KLRF1: variants seen among roughly 807,000 people sequenced by gnomAD.
KLRF1 encodes killer cell lectin-like receptor subfamily F member 1.
Under a neutral mutation model 30.7 loss-of-function variants are expected in KLRF1, and 27 were observed. That is an observed-to-expected ratio of 0.88 (90% confidence interval 0.65 to 1.21). The LOEUF (loss-of-function observed/expected upper bound fraction) is 1.21. KLRF1 is among the 50% of genes most tolerant of loss of function. The pLI is 0.00. For missense variants in KLRF1, 246 were observed against 259.3 expected (o/e 0.95, Z 0.35); for synonymous variants, 92 against 89.3 (o/e 1.03, Z -0.17).
At chr12:9,812,959 A>T in the KLRF1 span, among the ~76,000 whole-genome samples, 1 of 152,174 alleles carries the variant, frequency 6.6e-6, no homozygotes, top group Non-Finnish European at 1.5e-5. Context: ...CTTGGAGGAT[A>T]TGAGAGCATT....
intron 3 of KLRF1, among the ~76,000 whole-genome samples, chr12:9,835,400 AG>A (rs1268044620): frequency 1.3e-5 from 2 of 151,938 alleles, no homozygotes; most frequent in African/African-American, 4.8e-5. Context: ...AACTGCGTAG[AG>A]GGGGAGGTTC....
chr12:9,815,918 A>T, the KLRF1 span, among the ~76,000 whole-genome samples: 1 of 152,150 alleles, frequency 6.6e-6, no homozygotes, highest in East Asian at 1.9e-4. Flanking sequence ...TCCTGGATTC[A>T]AGTGATTCTC....
chr12:9,827,813 C>T (rs185886424), intron 1 of KLRF1, among the ~76,000 whole-genome samples, 184 bp downstream of exon 1: 23 of 152,248 alleles, frequency 1.5e-4, no homozygotes, highest in Admixed American at 8.5e-4. Context: ...ACCTCTCTTA[C>T]CATTTAAGAA....
chr12:9,828,149 G>A (rs1385028014), intron 1 of KLRF1, among the ~76,000 whole-genome samples: 1 of 151,336 alleles, frequency 6.6e-6, no homozygotes, highest in Non-Finnish European at 1.5e-5. Context: ...GCATGATCTC[G>A]GCTCACTGCA....
In KLRF1 at chr12:9,844,522, A is replaced by G. The variant is rs1217811740; in HGVS notation, c.692A>G (p.Tyr231Cys). ...AGTGTTTTCAAATGGATTTGTCAGT[A>G]TTAGAGTTTGACAAAATTCACAGTG... ...CSSVFKWICQY is the reference protein window; with the variant it reads ...CSSVFKWICQC Residue 231 changes from tyrosine to cysteine, a missense_variant, in exon 6 of 6, where the codon TAT (tyrosine) becomes TGT (cysteine). Tyr to Cys is a radical substitution (Grantham distance 194). Coordinates refer to ENST00000617889, the MANE Select transcript of KLRF1 (RefSeq NM_016523.3). The G allele has an allele frequency of 1.3e-6, 2 of 1,569,406 alleles. No homozygotes were observed. Among genetic ancestry groups the G allele is most frequent in the Non-Finnish European group, 8.7e-7 (1 of 1,142,922 alleles).
intron 3 of KLRF1, among the ~76,000 whole-genome samples, chr12:9,841,345 A>G (rs1324593870): frequency 6.6e-6 from 1 of 152,074 alleles, no homozygotes; most frequent in East Asian, 1.9e-4. Flanking sequence ...GAGGATCAGA[A>G]CAAATAACTA....
chr12:9,830,786 A>G (rs1048511195), intron 1 of KLRF1, among the ~76,000 whole-genome samples: 7 of 152,130 alleles, frequency 4.6e-5, no homozygotes, highest in Non-Finnish European at 1.0e-4. Context: ...TTGTACAGAC[A>G]TTCATAAGAC....
chr12:9,805,499 A>T, the KLRF1 span, among the ~76,000 whole-genome samples: 3 of 152,046 alleles, frequency 2.0e-5, no homozygotes, highest in African/African-American at 7.3e-5. Context: ...TGCGTTGATG[A>T]TTATATTTCA....
At chr12:9,805,645 T>G in the KLRF1 span, among the ~76,000 whole-genome samples, 3 of 152,070 alleles carry the variant, frequency 2.0e-5, no homozygotes, top group Non-Finnish European at 2.9e-5. Flanking sequence ...ATAAGTAATC[T>G]GGATCTGGAC....
chr12:9,839,242 C>A (rs74062777), intron 3 of KLRF1, among the ~76,000 whole-genome samples: 2 of 152,122 alleles, frequency 1.3e-5, no homozygotes, highest in Non-Finnish European at 2.9e-5. Context: ...CATGGCAGAT[C>A]GCAGAATGAC....
chr12:9,800,970 C>G, the KLRF1 span, among the ~76,000 whole-genome samples: 136 of 151,948 alleles, frequency 9.0e-4, no homozygotes, highest in African/African-American at 3.2e-3. Flanking sequence ...CATGCATTAG[C>G]TATTTGTCCT....
the KLRF1 span, among the ~76,000 whole-genome samples, chr12:9,809,556 G>A: frequency 0.079 from 12,086 of 152,128 alleles, 582 homozygotes; most frequent in East Asian, 0.2. Flanking sequence ...GTTTGTTAAC[G>A]TAAATTGTTC....
intron 3 of KLRF1, among the ~76,000 whole-genome samples, chr12:9,835,454 A>G (rs775583292): frequency 2.8e-4 from 43 of 152,078 alleles, no homozygotes; most frequent in African/African-American, 1.0e-3. Context: ...TCTATGAGCT[A>G]CCTTTCACTG....
the KLRF1 span, among the ~76,000 whole-genome samples, chr12:9,815,437 A>T: frequency 2.0e-5 from 3 of 152,258 alleles, 1 homozygote; most frequent in African/African-American, 7.2e-5. Flanking sequence ...GGATGATTCT[A>T]TCTGAGCCGC....
chr12:9,830,190 T>C (rs1867380722), intron 1 of KLRF1, among the ~76,000 whole-genome samples: 1 of 152,162 alleles, frequency 6.6e-6, no homozygotes, highest in Non-Finnish European at 1.5e-5. Context: ...TATCCGTGAG[T>C]AATGAATTTC....
chr12:9,807,940 C>A, the KLRF1 span, among the ~76,000 whole-genome samples: 512 of 152,060 alleles, frequency 3.4e-3, 3 homozygotes, highest in African/African-American at 0.012. Flanking sequence ...ATAAAAACAA[C>A]CATCAAGCAA....
At chr12:9,834,400 C>T (rs929351843) in intron 3 of KLRF1, among the ~76,000 whole-genome samples, 20 of 150,708 alleles carry the variant, frequency 1.3e-4, no homozygotes, top group African/African-American at 4.9e-4. Context: ...GTTGGGGCAG[C>T]GAAAAAAAAA....
At chr12:9,816,599 C>T in the KLRF1 span, among the ~76,000 whole-genome samples, 1 of 151,334 alleles carries the variant, frequency 6.6e-6, no homozygotes, top group Non-Finnish European at 1.5e-5. Context: ...TTACATGGCT[C>T]AGATAGTTTC....
At chr12:9,841,769 A>G (rs1214572324) in intron 3 of KLRF1, 43 bp from the exon 4 acceptor site, 4 of 1,496,942 alleles carry the variant, frequency 2.7e-6, no homozygotes, top group East Asian at 2.3e-5. Context: ...TCAGAGATGC[A>G]TATGTAATTT....
Sources: gnomAD v4.1 joint callset for allele counts (sites outside exome capture counted in the v4.1 genomes callset) on GRCh38, gnomAD v4.1.1 for gene constraint, MANE v1.5 for transcripts, NCBI Gene and HGNC (gene_info 2026-07-23, HGNC 2026-07-21) for gene names.